Variants in WIPF1 observed in about 807,000 individuals in gnomAD.
WIPF1 encodes the protein WAS/WASL interacting protein family member 1, also known as WAS/WASL-interacting protein family member 1.
A neutral mutation model predicts 35.4 loss-of-function variants in WIPF1; 13 were observed. The ratio of observed to expected loss-of-function variants is 0.37; its 90% CI spans 0.24 to 0.58. WIPF1 has a LOEUF of 0.58. WIPF1 is among the 20% of genes least tolerant of loss of function. The probability of loss-of-function intolerance (pLI) is 0.74; values close to 1 mark genes in which losing one functional copy is unlikely to be tolerated. For synonymous variants in WIPF1, 267 were observed against 266.3 expected (o/e 1.00, Z -0.02); for missense variants, 591 against 667.0 (o/e 0.89, Z 1.25).
At chr2:174,599,803 C>CTCTT (rs1384295455), upstream of WIPF1, among the ~76,000 whole-genome samples, 2 of 150,250 alleles carry the variant, frequency 1.3e-5, no homozygotes, top group South Asian at 2.1e-4. Context: ...CTCTCTCTCT[C>CTCTT]TCTCTCTCTA....
intron 3 of WIPF1, among the ~76,000 whole-genome samples, chr2:174,577,824 T>C (rs961950018): frequency 1.3e-5 from 2 of 150,898 alleles, no homozygotes; most frequent in Non-Finnish European, 3.0e-5. Flanking sequence ...GAGGCTGAGG[T>C]GGGAGGATCC....
rs796610534 is a variant in WIPF1 at position 174,619,944 on chromosome 2, G to GA, written c.-38-34334dup. Among the ~76,000 whole-genome samples, 656 of 114,710 alleles carry GA rather than the reference G, an allele frequency of 5.7e-3. 2 individuals carry two copies. The highest frequency in any genetic ancestry group is 8.9e-3 in the African/African-American group (280 of 31,526). The allele number at this position is 114,710 out of a possible 152,430, so 75.3% of individuals were successfully genotyped here. A position where few individuals can be genotyped will look rare whatever the true frequency, so the allele number is the denominator to read the frequency against. On this transcript the variant is annotated intron_variant, in intron 1 of 8. Coordinates refer to the WIPF1 transcript ENST00000272746. Reference sequence around the variant, plus strand: ...GCCACAGGGCAAGACTCTGTCTCAAGAAAAAAAAAAAAAAAGAAATCTCCA... The same window carrying GA: ...GCCACAGGGCAAGACTCTGTCTCAAGAAAAAAAAAAAAAAAAGAAATCTCCA...
Position 174,567,193 on chromosome 2 carries a change from GAAAC to G in WIPF1, c.1343-14_1343-11del. On this transcript the variant is annotated splice_polypyrimidine_tract_variant and intron_variant, in intron 6 of 7. Transcript: ENST00000679041. Reference sequence around the variant, plus strand: ...CTGCTTTCCCACTCATCTGGGAAGAGAAACAAGCAGTATCTTCAGTGACAGACAA... The same window carrying G: ...CTGCTTTCCCACTCATCTGGGAAGAGAAGCAGTATCTTCAGTGACAGACAA... The G allele has an allele frequency of 6.2e-7, 1 of 1,609,182 alleles. No individual in the cohort carries two copies. The highest frequency in any genetic ancestry group is 8.5e-7 in the Non-Finnish European group (1 of 1,175,538).
At chr2:174,581,777 C>T (rs1685248577) in intron 2 of WIPF1, among the ~76,000 whole-genome samples, 2 of 152,156 alleles carry the variant, frequency 1.3e-5, no homozygotes, top group Non-Finnish European at 1.5e-5. Flanking sequence ...TGGGAGGATT[C>T]TGCAGGACAT....
At chr2:174,650,994 A>T (rs1687522332) in intron 1 of WIPF1, among the ~76,000 whole-genome samples, 1 of 152,228 alleles carries the variant, frequency 6.6e-6, no homozygotes, top group African/African-American at 2.4e-5. Flanking sequence ...TGGCTTTCGC[A>T]TTGCTTGTTG....
At chr2:174,648,963 G>A (rs1300589874) in intron 1 of WIPF1, among the ~76,000 whole-genome samples, 1 of 152,226 alleles carries the variant, frequency 6.6e-6, no homozygotes, top group Non-Finnish European at 1.5e-5. Flanking sequence ...CATTTGTGCA[G>A]TTTGCATAAC....
At chr2:174,654,101 C>G (rs1687595931) in intron 1 of WIPF1, among the ~76,000 whole-genome samples, 1 of 152,210 alleles carries the variant, frequency 6.6e-6, no homozygotes, top group Admixed American at 6.5e-5. Flanking sequence ...AAACATATGA[C>G]AGAGGCAGTT....
intron 1 of WIPF1, among the ~76,000 whole-genome samples, chr2:174,667,621 G>A (rs764448459): frequency 1.3e-5 from 2 of 152,200 alleles, no homozygotes; most frequent in Non-Finnish European, 2.9e-5. Flanking sequence ...GGCAAATCCT[G>A]CCTAGGTTGC....
At chr2:174,609,921 C>T (rs1686291595) in intron 1 of WIPF1, among the ~76,000 whole-genome samples, 1 of 152,212 alleles carries the variant, frequency 6.6e-6, no homozygotes, top group African/African-American at 2.4e-5. Context: ...CCAAACATAT[C>T]ACAGAGGCGT....
chr2:174,644,305 CTGT>C (rs1242019224), intron 1 of WIPF1, among the ~76,000 whole-genome samples: 5 of 152,078 alleles, frequency 3.3e-5, no homozygotes, highest in African/African-American at 1.2e-4. Context: ...TAAAGTCATT[CTGT>C]TGTTTTGAGA....
intron 5 of WIPF1, 62 bp from the exon 6 acceptor site, chr2:174,568,135 C>A: frequency 6.6e-7 from 1 of 1,526,450 alleles, no homozygotes; most frequent in South Asian, 1.2e-5. Flanking sequence ...CCGTGGTCAC[C>A]ATTGGTGTAC....
chr2:174,603,055 C>T (rs1051877617), intron 1 of WIPF1, among the ~76,000 whole-genome samples: 15 of 152,122 alleles, frequency 9.9e-5, no homozygotes, highest in Non-Finnish European at 2.2e-4. Context: ...TAGGCTGAGG[C>T]GAGCTCTATC....
chr2:174,597,553 T>C (rs1207832845), intron 1 of WIPF1, 48 bp downstream of exon 1: 1 of 152,566 alleles, frequency 6.6e-6, no homozygotes, highest in African/African-American at 2.4e-5. Context: ...AGTTCTTCCC[T>C]GTAGCTGATA....
At chr2:174,613,074 A>C (rs1686401615) in intron 1 of WIPF1, among the ~76,000 whole-genome samples, 1 of 152,240 alleles carries the variant, frequency 6.6e-6, no homozygotes, top group Non-Finnish European at 1.5e-5. Flanking sequence ...CTCTAGGCAC[A>C]TCTTACCATA....
chr2:174,591,869 G>A (rs1212141693), intron 1 of WIPF1, among the ~76,000 whole-genome samples: 1 of 152,092 alleles, frequency 6.6e-6, no homozygotes, highest in Non-Finnish European at 1.5e-5. Context: ...TTGCAGCCTC[G>A]ACTCACTTGT....
At chr2:174,627,972 G>A (rs181775171) in intron 1 of WIPF1, among the ~76,000 whole-genome samples, 1 of 152,252 alleles carries the variant, frequency 6.6e-6, no homozygotes, top group East Asian at 1.9e-4. Flanking sequence ...AGAGGCTGCT[G>A]TTTACCCTGA....
chr2:174,654,947 G>A (rs1574862741), intron 1 of WIPF1, among the ~76,000 whole-genome samples: 2 of 152,330 alleles, frequency 1.3e-5, no homozygotes, highest in East Asian at 3.9e-4. Flanking sequence ...AAGCACCTAA[G>A]AGGCTCACAA....
intron 1 of WIPF1, among the ~76,000 whole-genome samples, chr2:174,658,248 T>C (rs924088902): frequency 5.3e-5 from 8 of 152,056 alleles, no homozygotes; most frequent in Non-Finnish European, 8.8e-5. Flanking sequence ...CCCAATAACC[T>C]CACACCCACA....
At chr2:174,568,125 C>A in intron 5 of WIPF1, 52 bp from the exon 6 acceptor site, 1 of 1,557,412 alleles carries the variant, frequency 6.4e-7, no homozygotes, top group South Asian at 1.2e-5. Context: ...CATTCCATTA[C>A]CGTGGTCACC....
Sources: gnomAD v4.1 joint callset for allele counts (sites outside exome capture counted in the v4.1 genomes callset) on GRCh38, gnomAD v4.1.1 for gene constraint, MANE v1.5 for transcripts, NCBI Gene and HGNC (gene_info 2026-07-23, HGNC 2026-07-21) for gene names.